CIB1: variants seen among roughly 807,000 people sequenced by gnomAD.
CIB1 encodes the protein calcium and integrin binding 1.
CIB1 carries 19 observed loss-of-function variants against 25.0 expected under a neutral mutation model. The ratio of observed to expected loss-of-function variants is 0.76; its 90% CI spans 0.53 to 1.12. The LOEUF (loss-of-function observed/expected upper bound fraction) is 1.12, where lower values mean the gene tolerates loss of function less well. Among genes scored for constraint, CIB1 ranks in the 50% most tolerant of loss-of-function variants. CIB1 has a pLI of 0.00. For missense variants in CIB1, 236 were observed against 242.6 expected, an observed-to-expected ratio of 0.97 and a Z score of 0.18; for synonymous variants, 104 against 98.5, an observed-to-expected ratio of 1.06 and a Z score of -0.33.
At chr15:90,234,843 TA>T (rs1962598551), upstream of CIB1, among the ~76,000 whole-genome samples, 2 of 152,202 alleles carry the variant, frequency 1.3e-5, no homozygotes. Flanking sequence ...AGGCTCTCAG[TA>T]AATATTATCG....
At chr15:90,235,590 C>G (rs952933338), upstream of CIB1, among the ~76,000 whole-genome samples, 15 of 151,854 alleles carry the variant, frequency 9.9e-5, no homozygotes, top group African/African-American at 3.6e-4. Flanking sequence ...TTTTTTGAGA[C>G]AGAGTCTCGC....
the CIB1 span, chr15:90,262,754 TC>T: frequency 3.8e-6 from 5 of 1,304,774 alleles, no homozygotes; most frequent in Non-Finnish European, 5.1e-6. Flanking sequence ...TGCTGTCTTC[TC>T]CTCCCCATGC....
At chr15:90,240,501 CTGTCTCAAAAAAA>C in the CIB1 span, among the ~76,000 whole-genome samples, 1 of 151,224 alleles carries the variant, frequency 6.6e-6, no homozygotes, top group Non-Finnish European at 1.5e-5. Flanking sequence ...GAGTGAGACT[CTGTCTCAAAAAAA>C]TAAAAATAAA....
the CIB1 span, chr15:90,241,520 C>G: frequency 6.2e-7 from 1 of 1,613,688 alleles, no homozygotes; most frequent in Non-Finnish European, 8.5e-7. Context: ...TCCGTGTCGG[C>G]TTCAACAGCC....
chr15:90,253,328 T>G, the CIB1 span: 1 of 1,613,548 alleles, frequency 6.2e-7, no homozygotes, highest in Non-Finnish European at 8.5e-7. Flanking sequence ...CAGACTGCGC[T>G]GTCTCACTGG....
chr15:90,242,125 G>A, the CIB1 span: 1 of 1,375,134 alleles, frequency 7.3e-7, no homozygotes, highest in Non-Finnish European at 1.0e-6. Flanking sequence ...GTCTCACTCT[G>A]TCCCCAGGCT....
At chr15:90,253,236 CCT>C in the CIB1 span, 65 of 1,607,886 alleles carry the variant, frequency 4.0e-5, no homozygotes, top group Non-Finnish European at 5.3e-5. Flanking sequence ...TACTGATCTC[CCT>C]GTCTCTGCAG....
the CIB1 span, chr15:90,264,967 A>G: frequency 6.5e-7 from 1 of 1,533,302 alleles, no homozygotes; most frequent in African/African-American, 1.4e-5. Flanking sequence ...AGTTCAGGTA[A>G]AAGCAGGAGG....
At chr15:90,232,453 G>A (rs1962519470) in intron 2 of CIB1, 126 bp from the exon 3 acceptor site, 6 of 1,419,474 alleles carry the variant, frequency 4.2e-6, no homozygotes, top group East Asian at 2.6e-5. Context: ...CAGAACTTCC[G>A]AGTCATCAGG....
chr15:90,233,062 C>T (rs1472190924), intron 2 of CIB1, among the ~76,000 whole-genome samples: 1 of 152,142 alleles, frequency 6.6e-6, no homozygotes, highest in East Asian at 1.9e-4. Flanking sequence ...ACCTCCTTCC[C>T]ATGAGCTTAT....
the CIB1 span, chr15:90,265,632 C>A: frequency 1.9e-6 from 3 of 1,554,250 alleles, no homozygotes; most frequent in Non-Finnish European, 2.6e-6. Flanking sequence ...AGCCTCCGGC[C>A]CGCCCCTTCC....
the CIB1 span, chr15:90,265,160 A>G: frequency 8.0e-7 from 1 of 1,255,886 alleles, no homozygotes; most frequent in South Asian, 1.6e-5. Context: ...GGGGATCGGT[A>G]AAGACTAGAA....
At chr15:90,251,029 C>T in the CIB1 span, 2 of 1,148,964 alleles carry the variant, frequency 1.7e-6, no homozygotes, top group Admixed American at 2.7e-5. Context: ...TGTCATTAAC[C>T]CTTTGATACA....
At chr15:90,252,719 G>A in the CIB1 span, among the ~76,000 whole-genome samples, 1 of 152,126 alleles carries the variant, frequency 6.6e-6, no homozygotes, top group South Asian at 2.1e-4. Context: ...ACTGACAGGA[G>A]CAGCTGGGCA....
Position 90,229,976 on chromosome 15 carries a change from G to A in CIB1, c.*508C>T, listed in dbSNP as rs1238978447. 5.8e-6 allele frequency: 1 copy of A among 173,466 alleles called. No homozygotes were observed. Among genetic ancestry groups the A allele is most frequent in the African/African-American group, 2.4e-5 (1 of 41,528 alleles). The allele number at this position is 173,466 out of a possible 1,614,324, so 10.7% of individuals were successfully genotyped here. A position where few individuals can be genotyped will look rare whatever the true frequency, so the allele number is the denominator to read the frequency against. ...TAAAGTTTTTAATTCTTCAGATCAT[G>A]CAGTAAAATAGACTTTACTGATGTA... On this transcript the variant is annotated 3_prime_UTR_variant, in exon 7 of 7. Transcript: ENST00000328649.
chr15:90,235,668 C>T (rs927144157), upstream of CIB1, among the ~76,000 whole-genome samples: 6 of 150,650 alleles, frequency 4.0e-5, no homozygotes, highest in African/African-American at 9.7e-5. Flanking sequence ...CCTGGGTTCA[C>T]GCCATTCTTC....
At chr15:90,234,170 G>T, upstream of CIB1, 1 of 33,520 alleles carries the variant, frequency 3.0e-5, no homozygotes, top group Non-Finnish European at 4.3e-5. Context: ...GGGGTGGGAG[G>T]GGGGGGCGGG....
the CIB1 span, chr15:90,241,501 A>G: frequency 1.2e-6 from 2 of 1,613,600 alleles, no homozygotes; most frequent in Non-Finnish European, 1.7e-6. Flanking sequence ...CTGAGCTTAC[A>G]CCCGGGCTTC....
At chr15:90,256,545 TTTTCTTTCTTTCTTTCTTTCTTTC>T in the CIB1 span, among the ~76,000 whole-genome samples, 39 of 105,500 alleles carry the variant, frequency 3.7e-4, no homozygotes, top group African/African-American at 5.8e-4. Context: ...TCTCCTTCCT[TTTTCTTTCTTTCTTTCTTTCTTTC>T]TTTCTTTCTT....
Sources: gnomAD v4.1 joint callset for allele counts (sites outside exome capture counted in the v4.1 genomes callset) on GRCh38, gnomAD v4.1.1 for gene constraint, MANE v1.5 for transcripts, NCBI Gene and HGNC (gene_info 2026-07-23, HGNC 2026-07-21) for gene names.